The following CPE variants were observed in gnomAD, a reference collection of about 807,000 sequenced individuals.
The protein encoded by CPE is carbocypeptidase E.
In CPE, 17 loss-of-function variants were observed where a neutral mutation model predicts 53.5. The observed-to-expected ratio is 0.32, with a 90% CI of 0.22 to 0.48. CPE has a LOEUF of 0.48. CPE is among the 20% of genes least tolerant of loss of function. CPE has a pLI of 0.99. For synonymous variants in CPE, 226 were observed against 228.8 expected, an observed-to-expected ratio of 0.99 and a Z score of 0.11; for missense variants, 524 against 614.7, an observed-to-expected ratio of 0.85 and a Z score of 1.56.
intron 6 of CPE, among the ~76,000 whole-genome samples, chr4:165,491,029 A>G (rs1412747415): frequency 6.6e-6 from 1 of 152,226 alleles, no homozygotes; most frequent in Non-Finnish European, 1.5e-5. Flanking sequence ...GGGGGAGTTG[A>G]CACAGCCCAT....
At chr4:165,419,912 A>G (rs1211685945) in intron 1 of CPE, among the ~76,000 whole-genome samples, 3 of 152,252 alleles carry the variant, frequency 2.0e-5, no homozygotes, top group Non-Finnish European at 4.4e-5. Flanking sequence ...TTGCTAGCCA[A>G]TTGAACCAAA....
intron 3 of CPE, among the ~76,000 whole-genome samples, chr4:165,476,756 CA>C (rs1732308432): frequency 6.6e-6 from 1 of 152,192 alleles, no homozygotes; most frequent in South Asian, 2.1e-4. Context: ...CAGTCTGAGA[CA>C]AAGGCTACCA....
In CPE at chr4:165,382,302, A is replaced by G. The variant is rs372021607; in HGVS notation, c.307+2774A>G. On this transcript the variant is annotated intron_variant, in intron 1 of 8. Coordinates refer to ENST00000402744, the MANE Select transcript of CPE (RefSeq NM_001873.4). ...TTTGTTGACATTTACAAATTCCAAA[A>G]TAGCTGGTATAGATATCTGTCTTCA... Among the ~76,000 whole-genome samples, 13 of 152,352 alleles carry G rather than the reference A, an allele frequency of 8.5e-5. 1 individual carries two copies. Among genetic ancestry groups the G allele is most frequent in the Admixed American group, 3.3e-4 (5 of 15,304 alleles).
At chr4:165,463,586 A>T (rs1038375408) in intron 1 of CPE, among the ~76,000 whole-genome samples, 5 of 152,060 alleles carry the variant, frequency 3.3e-5, no homozygotes, top group African/African-American at 1.2e-4. Flanking sequence ...AAAAAACAAA[A>T]ACATAGACGT....
At chr4:165,384,318 T>C (rs1407225760) in intron 1 of CPE, among the ~76,000 whole-genome samples, 1 of 152,214 alleles carries the variant, frequency 6.6e-6, no homozygotes, top group Non-Finnish European at 1.5e-5. Context: ...AGATTCGTAC[T>C]GTATAAGATT....
intron 1 of CPE, among the ~76,000 whole-genome samples, chr4:165,433,663 G>A (rs1385874337): frequency 2.0e-5 from 3 of 152,132 alleles, no homozygotes; most frequent in East Asian, 1.9e-4. Flanking sequence ...AGAAACAGGC[G>A]TGGCGGCATG....
chr4:165,425,036 C>T (rs1432988698), intron 1 of CPE, among the ~76,000 whole-genome samples: 1 of 151,836 alleles, frequency 6.6e-6, no homozygotes, highest in Non-Finnish European at 1.5e-5. Context: ...TGCCACCATG[C>T]CCAGCTAATT....
At chr4:165,493,340 A>T (rs1732642209) in intron 7 of CPE, 70 bp downstream of exon 7, 1 of 1,105,608 alleles carries the variant, frequency 9.0e-7, no homozygotes, top group African/African-American at 1.6e-5. Flanking sequence ...TCATAATTAT[A>T]AGTCTTATGT....
chr4:165,481,314 T>C (rs1732408011), intron 3 of CPE, among the ~76,000 whole-genome samples: 1 of 152,130 alleles, frequency 6.6e-6, no homozygotes, highest in Non-Finnish European at 1.5e-5. Flanking sequence ...AATGTTGAAG[T>C]GCAGTAAAAT....
intron 5 of CPE, among the ~76,000 whole-genome samples, chr4:165,486,516 C>A (rs1579283198): frequency 6.6e-6 from 1 of 152,100 alleles, no homozygotes; most frequent in Non-Finnish European, 1.5e-5. Context: ...CTGGGTCACA[C>A]AAACCTGCCT....
At chr4:165,417,282 T>C (rs1450609174) in intron 1 of CPE, among the ~76,000 whole-genome samples, 2 of 152,194 alleles carry the variant, frequency 1.3e-5, no homozygotes, top group Non-Finnish European at 2.9e-5. Flanking sequence ...TGTAGCCATA[T>C]GAAAATATTT....
intron 1 of CPE, among the ~76,000 whole-genome samples, chr4:165,413,245 G>T (rs936931236): frequency 4.6e-5 from 7 of 152,048 alleles, no homozygotes; most frequent in African/African-American, 1.7e-4. Flanking sequence ...TCTATAGTGT[G>T]TTGTAATTGC....
chr4:165,403,182 T>C (rs1009544340), intron 1 of CPE, among the ~76,000 whole-genome samples: 44 of 152,196 alleles, frequency 2.9e-4, no homozygotes, highest in African/African-American at 9.7e-4. Context: ...GTAAAACTTA[T>C]GTAAGCAAGC....
chr4:165,407,061 G>GT (rs796819968), intron 1 of CPE, among the ~76,000 whole-genome samples: 51 of 152,162 alleles, frequency 3.4e-4, no homozygotes, highest in African/African-American at 1.1e-3. Context: ...TTATGTGCAA[G>GT]TTTTTTTTGT....
At chr4:165,482,214 TA>T in intron 3 of CPE, 27 bp from the exon 4 acceptor site, 2 of 1,424,014 alleles carry the variant, frequency 1.4e-6, no homozygotes, top group Non-Finnish European at 2.0e-6. Context: ...ATTAAATTTA[TA>T]ATCCTTTTAA....
At chr4:165,419,953 G>T (rs966812273) in intron 1 of CPE, among the ~76,000 whole-genome samples, 1 of 152,192 alleles carries the variant, frequency 6.6e-6, no homozygotes, top group Non-Finnish European at 1.5e-5. Context: ...TTTAAACATA[G>T]ATTTAGAATG....
intron 2 of CPE, among the ~76,000 whole-genome samples, chr4:165,467,197 T>C (rs1382097885): frequency 1.3e-5 from 2 of 152,108 alleles, no homozygotes; most frequent in Non-Finnish European, 2.9e-5. Context: ...ATTGTGCACA[T>C]GTGTAGTCCC....
At chr4:165,392,576 AT>A (rs1730701753) in intron 1 of CPE, among the ~76,000 whole-genome samples, 1 of 146,302 alleles carries the variant, frequency 6.8e-6, no homozygotes, top group Non-Finnish European at 1.5e-5. Flanking sequence ...ATACTTATAT[AT>A]TATATTTATA....
At chr4:165,483,001 GTT>G (rs546229382) in intron 4 of CPE, among the ~76,000 whole-genome samples, 1 of 139,754 alleles carries the variant, frequency 7.2e-6, no homozygotes. Flanking sequence ...TGATTAGTTT[GTT>G]TTTTTTTTTT....
Sources: gnomAD v4.1 joint callset for allele counts (sites outside exome capture counted in the v4.1 genomes callset) on GRCh38, gnomAD v4.1.1 for gene constraint, MANE v1.5 for transcripts, NCBI Gene and HGNC (gene_info 2026-07-23, HGNC 2026-07-21) for gene names.